NAV1: variants seen among roughly 807,000 people sequenced by gnomAD.
NAV1 encodes pore membrane and/or filament interacting like protein 3.
NAV1 carries 18 observed loss-of-function variants against 175.2 expected under a neutral mutation model. The ratio of observed to expected loss-of-function variants is 0.10; its 90% CI spans 0.07 to 0.15. NAV1 has a LOEUF of 0.15. Ranked by LOEUF, NAV1 falls within the 10% of genes least tolerant of loss-of-function variation. The pLI is 1.00. For missense variants in NAV1, 1,731 were observed against 2,436.6 expected (o/e 0.71, Z 6.10); for synonymous variants, 897 against 978.7 (o/e 0.92, Z 1.56).
At chr1:201,614,737 G>A (rs1244771397) in intron 2 of NAV1, among the ~76,000 whole-genome samples, 1 of 152,198 alleles carries the variant, frequency 6.6e-6, no homozygotes, top group Admixed American at 6.5e-5. Flanking sequence ...CTGGATTTAG[G>A]CTGTGAAGTA....
At chr1:201,790,603 CTTG>C in intron 12 of NAV1, 26 bp downstream of exon 16, 1 of 1,614,068 alleles carries the variant, frequency 6.2e-7, no homozygotes. Context: ...TTTGTCTCTG[CTTG>C]TTAACATCAC....
intron 3 of NAV1, chr1:201,737,234 A>G (rs532734708): frequency 6.6e-6 from 1 of 152,250 alleles, no homozygotes; most frequent in African/African-American, 2.4e-5. Context: ...TTAAGTAGCA[A>G]CGCTTCTGGG....
chr1:201,696,611 G>A (rs1384980928), intron 1 of NAV1, among the ~76,000 whole-genome samples: 1 of 152,212 alleles, frequency 6.6e-6, no homozygotes, highest in East Asian at 1.9e-4. Flanking sequence ...TTCATTGCCT[G>A]CAGTGGAGGA....
intron 1 of NAV1, among the ~76,000 whole-genome samples, chr1:201,679,051 G>A (rs549186448): frequency 2.6e-5 from 4 of 152,250 alleles, no homozygotes; most frequent in Non-Finnish European, 4.4e-5. Context: ...TATTTACTGG[G>A]GGGGAGACAG....
chr1:201,822,074 G>A (rs1161515891), exon 30 of NAV1: 2 of 152,660 alleles, frequency 1.3e-5, no homozygotes, highest in East Asian at 1.9e-4. Context: ...GCATCCACGT[G>A]GTAAGCTCCC....
upstream of NAV1, among the ~76,000 whole-genome samples, chr1:201,619,559 A>G (rs576760722): frequency 1.3e-5 from 2 of 152,236 alleles, no homozygotes; most frequent in Non-Finnish European, 2.9e-5. Context: ...CCAGATTCTC[A>G]CAGCTGCAGG....
At chr1:201,725,833 C>T (rs1366178056) in intron 3 of NAV1, among the ~76,000 whole-genome samples, 1 of 151,272 alleles carries the variant, frequency 6.6e-6, no homozygotes, top group Non-Finnish European at 1.5e-5. Flanking sequence ...TGGCATGTGC[C>T]TGTGGTCCCA....
intron 4 of NAV1, 64 bp downstream of exon 8, chr1:201,780,623 T>C (rs1676263573): frequency 1.9e-6 from 3 of 1,604,430 alleles, no homozygotes; most frequent in Non-Finnish European, 2.6e-6. Flanking sequence ...AATGGCATTA[T>C]CTGTGTATGG....
chr1:201,578,170 C>G (rs1300835822), intron 1 of NAV1, among the ~76,000 whole-genome samples: 1 of 152,106 alleles, frequency 6.6e-6, no homozygotes, highest in Admixed American at 6.6e-5. Context: ...AGAATCTGCT[C>G]TGCTTTTTGT....
rs139333528 is a variant in NAV1, at chr1:201,605,855, T to TG, written c.-32-16991dup. On this transcript the variant is annotated intron_variant, in intron 2 of 33. Coordinates refer to the NAV1 transcript ENST00000685211. ...AACACAGTCTCCTGCCTAAGCACTG[T>TG]GGGGGGGTGTGAGCCCCGTGAGATC... is the stretch of plus-strand genomic sequence containing the variant. 8.5e-3 allele frequency among the ~76,000 whole-genome samples: 1,293 copies of TG among 152,082 alleles called. 12 individuals carry two copies. Among genetic ancestry groups the TG allele is most frequent in the Non-Finnish European group, 0.013 (872 of 67,962 alleles).
chr1:201,810,499 A>T lies in NAV1; in HGVS notation c.4562-24A>T, dbSNP rs1558191878. 6.3e-7 allele frequency: 1 copy of T among 1,588,860 alleles called. No homozygotes were observed. The highest frequency in any genetic ancestry group is 1.3e-5 in the African/African-American group (1 of 74,274). ...ATCCTCAAGACCCTGGTCAATACTC[A>T]TGCTTTCTGGGGTGGGGGTTCAGGT... On this transcript the variant is annotated intron_variant, in intron 23 of 29. Coordinates refer to ENST00000367296, the Ensembl canonical transcript of NAV1. This position sits in a 1 kb window ranked among gnomAD's most constrained non-coding sequence, Gnocchi z 6.0.
At chr1:201,635,239 G>A (rs935829355) in intron 2 of NAV1, among the ~76,000 whole-genome samples, 1 of 151,690 alleles carries the variant, frequency 6.6e-6, no homozygotes. Flanking sequence ...TAGAGACGGG[G>A]TTTCACTGTG....
intron 2 of NAV1, among the ~76,000 whole-genome samples, chr1:201,603,191 A>G (rs1351110575): frequency 6.6e-6 from 1 of 152,238 alleles, no homozygotes; most frequent in Admixed American, 6.5e-5. Flanking sequence ...CTAGACATCA[A>G]AAATAATTCT....
At chr1:201,676,314 A>C (rs1012857644) in intron 1 of NAV1, among the ~76,000 whole-genome samples, 1 of 152,144 alleles carries the variant, frequency 6.6e-6, no homozygotes, top group African/African-American at 2.4e-5. Flanking sequence ...TGAAAGCTGC[A>C]CTTATTTCAG....
chr1:201,591,246 C>T (rs1450094672), intron 2 of NAV1, among the ~76,000 whole-genome samples: 9 of 152,202 alleles, frequency 5.9e-5, no homozygotes, highest in African/African-American at 2.2e-4. Flanking sequence ...CACAGATTTT[C>T]TTCTCATCCT....
At position 201,782,056 on chromosome 1, in the gene NAV1, G is replaced by T; in HGVS notation, c.1664-120G>T. 2.4e-6 allele frequency: 2 copies of T among 827,842 alleles called. No individual in the cohort carries two copies. Among genetic ancestry groups the T allele is most frequent in the Non-Finnish European group, 1.8e-6 (1 of 544,936 alleles). The allele number at this position is 827,842 out of a possible 1,614,324, so 51.3% of individuals were successfully genotyped here. On this transcript the variant is annotated intron_variant, in intron 5 of 29. Coordinates refer to ENST00000367296, the Ensembl canonical transcript of NAV1. The surrounding 1 kb of genome is among the most constrained non-coding windows in gnomAD (Gnocchi z 5.4). ...CTTGTACCTGTTTACCCAAATTTAG[G>T]CCTCTAAAAGTCTACAATACATGGA... is the stretch of plus-strand genomic sequence containing the variant.
chr1:201,676,205 C>A (rs1428662102), intron 1 of NAV1, among the ~76,000 whole-genome samples: 1 of 152,198 alleles, frequency 6.6e-6, no homozygotes, highest in African/African-American at 2.4e-5. Context: ...GAGAGGTCCT[C>A]CTGGAAGTGC....
chr1:201,577,963 G>C (rs1666742377), intron 1 of NAV1, among the ~76,000 whole-genome samples: 2 of 152,118 alleles, frequency 1.3e-5, no homozygotes, highest in African/African-American at 2.4e-5. Context: ...TGCTTAATTT[G>C]TGATTTCTTT....
intron 1 of NAV1, among the ~76,000 whole-genome samples, chr1:201,664,912 C>T (rs1440724526): frequency 6.6e-6 from 1 of 152,142 alleles, no homozygotes; most frequent in African/African-American, 2.4e-5. Context: ...TTTCTGTGTC[C>T]TTGGGCCCAG....
Sources: gnomAD v4.1 joint callset for allele counts (sites outside exome capture counted in the v4.1 genomes callset) on GRCh38, gnomAD v4.1.1 for gene constraint, Gnocchi (gnomAD v3.1) non-coding constraint, MANE v1.5 for transcripts, NCBI Gene and HGNC (gene_info 2026-07-23, HGNC 2026-07-21) for gene names.